Variants in PLA1A observed in about 807,000 individuals in gnomAD.
The protein encoded by PLA1A is phosphatidylserine-specific phospholipase A1alpha.
PLA1A carries 47 observed loss-of-function variants against 49.4 expected under a neutral mutation model. The ratio of observed to expected loss-of-function variants is 0.95; its 90% CI spans 0.75 to 1.21. The LOEUF (loss-of-function observed/expected upper bound fraction) is 1.21. PLA1A is among the 50% of genes most tolerant of loss of function. The pLI is 0.00. For synonymous variants in PLA1A, 224 were observed against 207.9 expected (o/e 1.08, Z -0.67); for missense variants, 561 against 563.9 (o/e 0.99, Z 0.05).
intron 8 of PLA1A, among the ~76,000 whole-genome samples, chr3:119,623,972 G>A (rs6800119): frequency 0.49 from 74,600 of 151,788 alleles, 19,017 homozygotes; most frequent in East Asian, 0.88. Flanking sequence ...TGATCCACCC[G>A]CCTTGGCCTC....
At position 119,625,144 on chromosome 3, in the gene PLA1A, T is replaced by C. The variant is rs1433552674; in HGVS notation, c.1033T>C (p.Phe345Leu). The C allele has an allele frequency of 1.9e-6, 3 of 1,612,922 alleles. No individual in the cohort carries two copies. The African/African-American group carries it at 4.0e-5, about 22-fold the overall frequency. The part of the protein sequence containing the change: ...PYCMHHSLVE[F>L]HLKELRNKDT... Reference sequence around the variant, plus strand: ...CCTAGTGCATCACAGCCTCGTGGAGTTTCACTTGAAGGAACTGAGAAACAA... The same window carrying C: ...CCTAGTGCATCACAGCCTCGTGGAGCTTCACTTGAAGGAACTGAGAAACAA... Residue 345 changes from phenylalanine (F) to leucine (L), a missense_variant, in exon 9 of 11, where the codon TTT becomes CTT. Transcript: ENST00000273371.
chr3:119,625,960 T>G (rs748619307), intron 9 of PLA1A, among the ~76,000 whole-genome samples: 4 of 151,980 alleles, frequency 2.6e-5, no homozygotes, highest in Non-Finnish European at 2.9e-5. Flanking sequence ...GGAGACAGAT[T>G]GTCAGATAAT....
chr3:119,613,082 G>T lies in PLA1A; in HGVS notation c.628G>T (p.Ala210Ser). The T allele has an allele frequency of 6.2e-7, 1 of 1,609,184 alleles. No individual in the cohort carries two copies. The highest frequency in any genetic ancestry group is 8.5e-7 in the Non-Finnish European group (1 of 1,177,676). ...SVEERLDAGD[A>S]LFVEAIHTDT... ...GGAAGAGCGCTTGGATGCTGGAGAT[G>T]CCCTCTTCGTGGAAGCCATCCACAC... Residue 210 changes from alanine to serine, a missense_variant, in exon 5 of 11, where the codon GCC becomes TCC. By Grantham distance (99) the Ala-to-Ser change is moderately conservative. Coordinates refer to ENST00000273371, the MANE Select transcript of PLA1A (RefSeq NM_015900.4).
intron 8 of PLA1A, chr3:119,620,218 C>T (rs2082911321): frequency 2.3e-6 from 1 of 435,086 alleles, no homozygotes; most frequent in African/African-American, 2.2e-5. Flanking sequence ...GTCATCCTTC[C>T]CTATGCTATG....
intron 1 of PLA1A, among the ~76,000 whole-genome samples, chr3:119,604,488 T>C (rs2082660391): frequency 2.0e-5 from 3 of 152,188 alleles, no homozygotes; most frequent in African/African-American, 7.2e-5. Flanking sequence ...GAGGCCATTA[T>C]GTTAAGTGAA....
intron 1 of PLA1A, chr3:119,600,463 A>C: frequency 1.4e-6 from 1 of 701,108 alleles, no homozygotes; most frequent in Admixed American, 2.0e-5. Context: ...CAGATCTTAC[A>C]TCCCTATTTG....
At chr3:119,622,569 A>T (rs2082957784) in intron 8 of PLA1A, among the ~76,000 whole-genome samples, 2 of 151,896 alleles carry the variant, frequency 1.3e-5, no homozygotes, top group Non-Finnish European at 2.9e-5. Flanking sequence ...GGGCCATAGC[A>T]CTCCTTCAAC....
intron 10 of PLA1A, 122 bp from the exon 11 acceptor site, chr3:119,629,262 G>T (rs1436157278): frequency 2.8e-6 from 2 of 718,418 alleles, no homozygotes; most frequent in Non-Finnish European, 5.1e-6. Context: ...CACAGGAACT[G>T]GCTCTTAATT....
intron 2 of PLA1A, 143 bp downstream of exon 2, chr3:119,607,118 T>TG (rs2082699837): frequency 1.5e-6 from 1 of 668,964 alleles, no homozygotes; most frequent in East Asian, 2.6e-5. Context: ...CTGTCTTTGA[T>TG]GGGGTCTCAT....
At chr3:119,616,137 CCGGAGATTGAAATTCACCAA>C in intron 6 of PLA1A, 36 bp downstream of exon 6, 1 of 1,390,836 alleles carries the variant, frequency 7.2e-7, no homozygotes, top group Non-Finnish European at 1.0e-6. Context: ...TTTGGCAACC[CCGGAGATTGAAATTCACCAA>C]CAGCTTTTGT....
At chr3:119,605,540 C>T (rs143041613) in intron 1 of PLA1A, among the ~76,000 whole-genome samples, 1,934 of 152,352 alleles carry the variant, frequency 0.013, 18 homozygotes, top group South Asian at 0.029. Flanking sequence ...TCACACAAAC[C>T]GAAGTCTGCA....
At position 119,629,661 on chromosome 3, in the gene PLA1A, T is replaced by C. The variant is rs1221485551; in HGVS notation, c.*193T>C. 2 of 575,576 alleles carry C rather than the reference T, an allele frequency of 3.5e-6. No individual in the cohort carries two copies. Among genetic ancestry groups the C allele is most frequent in the Admixed American group, 3.0e-5 (1 of 33,096 alleles). 35.7% of individuals were successfully genotyped at this position (575,576 alleles called of 1,614,324 possible). On this transcript the variant is annotated 3_prime_UTR_variant, in exon 11 of 11. Coordinates refer to ENST00000273371, the MANE Select transcript of PLA1A (RefSeq NM_015900.4). ...CTCATTTTACAGAACTTGGTTTCCT[T>C]TGCCGATCTTATGTACATACCCATT... is the stretch of plus-strand genomic sequence containing the variant.
chr3:119,627,124 T>A (rs1193108039), intron 9 of PLA1A, among the ~76,000 whole-genome samples: 1 of 152,172 alleles, frequency 6.6e-6, no homozygotes, highest in Admixed American at 6.5e-5. Context: ...CCCCGAGTAA[T>A]TCCAGTCAAC....
rs775739657 is a variant in PLA1A at position 119,608,791 on chromosome 3, C to G, written c.297C>G (p.Ser99=). 2 of 1,613,904 alleles carry G rather than the reference C, an allele frequency of 1.2e-6. No individual in the cohort carries two copies. Among genetic ancestry groups the G allele is most frequent in the South Asian group, 2.2e-5 (2 of 91,044 alleles). ...CTAGGGTTTTAGGAACAAAGCCTTC[C>G]TGGATTGACACATTTATTAGAACCC... is the stretch of plus-strand genomic sequence containing the variant. The part of the protein sequence containing the change: ...HGFRVLGTKP[S]WIDTFIRTLL... The change falls in exon 3 of 11, where the codon TCC becomes TCG. Residue 99 remains serine, a synonymous_variant. Transcript: ENST00000273371.
intron 5 of PLA1A, among the ~76,000 whole-genome samples, chr3:119,615,683 A>G (rs1300923055): frequency 6.6e-6 from 1 of 152,106 alleles, no homozygotes; most frequent in African/African-American, 2.4e-5. Flanking sequence ...GTGTGGTGGC[A>G]TCCGCCTGTA....
chr3:119,610,001 G>A (rs1373711506), intron 4 of PLA1A, among the ~76,000 whole-genome samples: 1 of 152,070 alleles, frequency 6.6e-6, no homozygotes, highest in Non-Finnish European at 1.5e-5. Flanking sequence ...GAAATCCCCA[G>A]TGTCAATTGT....
intron 8 of PLA1A, 71 bp from the exon 9 acceptor site, chr3:119,625,053 T>C: frequency 1.1e-6 from 1 of 887,690 alleles, no homozygotes; most frequent in Non-Finnish European, 1.9e-6. Flanking sequence ...ACCACACTGC[T>C]GCTCTCTGGG....
At position 119,628,865 on chromosome 3, in the gene PLA1A, G is replaced by T. The variant is rs2052584036; in HGVS notation, c.1286G>T (p.Arg429Ile). The change falls in exon 10 of 11, where the codon AGA (arginine) becomes ATA (isoleucine). Residue 429 changes from arginine (R) to isoleucine (I), a missense_variant and splice_region_variant. Transcript: ENST00000273371. ...FCTALLPVNDREKMVCLPEPV... is the reference protein window; with the variant it reads ...FCTALLPVNDIEKMVCLPEPV... ...ACTGCCCTTTTGCCTGTCAATGACAGGTAAGCCCCAGTATTCACCTCTGCA... is the reference window on the plus strand; with the variant it reads ...ACTGCCCTTTTGCCTGTCAATGACATGTAAGCCCCAGTATTCACCTCTGCA... The T allele has an allele frequency of 6.2e-7, 1 of 1,613,080 alleles. No homozygotes were observed. Among genetic ancestry groups the T allele is most frequent in the South Asian group, 1.1e-5 (1 of 91,030 alleles).
At chr3:119,623,866 A>G (rs1193092783) in intron 8 of PLA1A, among the ~76,000 whole-genome samples, 2 of 151,742 alleles carry the variant, frequency 1.3e-5, no homozygotes, top group African/African-American at 4.8e-5. Flanking sequence ...CTGGGGTTAC[A>G]GGTGCCTGCC....
Sources: gnomAD v4.1 joint callset for allele counts (sites outside exome capture counted in the v4.1 genomes callset) on GRCh38, gnomAD v4.1.1 for gene constraint, MANE v1.5 for transcripts, NCBI Gene and HGNC (gene_info 2026-07-23, HGNC 2026-07-21) for gene names.